Variants in C12orf42 observed in about 807,000 individuals in gnomAD.
C12orf42 encodes the protein uncharacterized protein C12orf42.
Under a neutral mutation model 21.6 loss-of-function variants are expected in C12orf42, and 25 were observed. The ratio of observed to expected loss-of-function variants is 1.16; its 90% CI spans 0.84 to 1.62. C12orf42 has a LOEUF of 1.62. Among genes scored for constraint, C12orf42 ranks in the 40% most tolerant of loss-of-function variants. C12orf42 has a pLI of 0.00. For synonymous variants in C12orf42, 174 were observed against 175.0 expected, an observed-to-expected ratio of 0.99 and a Z score of 0.05; for missense variants, 483 against 459.3, an observed-to-expected ratio of 1.05 and a Z score of -0.47.
chr12:103,510,694 A>G, the C12orf42 span, among the ~76,000 whole-genome samples: 1 of 152,218 alleles, frequency 6.6e-6, no homozygotes, highest in African/African-American at 2.4e-5. Context: ...GAATCACATT[A>G]TCACACTGGG....
downstream of C12orf42, among the ~76,000 whole-genome samples, chr12:103,264,626 A>T (rs1412577824): frequency 6.6e-6 from 1 of 152,162 alleles, no homozygotes; most frequent in African/African-American, 2.4e-5. Context: ...CCATTCAACA[A>T]ATAATAAGTT....
At chr12:103,257,396 A>G (rs2034666777) in intron 10 of C12orf42, among the ~76,000 whole-genome samples, 2 of 152,226 alleles carry the variant, frequency 1.3e-5, no homozygotes, top group Admixed American at 1.3e-4. Context: ...GGAGCTCAAT[A>G]TTATTTTCAG....
the C12orf42 span, among the ~76,000 whole-genome samples, chr12:103,209,661 T>C: frequency 0.096 from 14,538 of 152,152 alleles, 850 homozygotes; most frequent in East Asian, 0.2. Context: ...AAGGCAATCC[T>C]TGGGGAAACT....
At chr12:103,520,509 T>A in the C12orf42 span, among the ~76,000 whole-genome samples, 3 of 151,756 alleles carry the variant, frequency 2.0e-5, no homozygotes, top group East Asian at 5.8e-4. Flanking sequence ...GGCAACATAA[T>A]AAGACCTCTG....
At chr12:103,185,434 C>T in the C12orf42 span, among the ~76,000 whole-genome samples, 1 of 152,160 alleles carries the variant, frequency 6.6e-6, no homozygotes, top group Non-Finnish European at 1.5e-5. Context: ...TATGGGTAAG[C>T]ATCAACAATA....
the C12orf42 span, among the ~76,000 whole-genome samples, chr12:103,075,964 A>G: frequency 6.6e-6 from 1 of 152,144 alleles, no homozygotes; most frequent in East Asian, 1.9e-4. Context: ...AACAGAAGGA[A>G]AGTAATTGAG....
intron 10 of C12orf42, among the ~76,000 whole-genome samples, chr12:103,256,450 A>G (rs146761178): frequency 2.7e-4 from 41 of 151,744 alleles, no homozygotes; most frequent in African/African-American, 9.2e-4. Flanking sequence ...CAGGACCCAC[A>G]TGGTATTGGC....
intron 2 of C12orf42, among the ~76,000 whole-genome samples, chr12:103,464,790 C>A (rs1431070159): frequency 2.0e-5 from 3 of 152,144 alleles, no homozygotes; most frequent in Admixed American, 6.5e-5. Context: ...ATATCACTAG[C>A]CAGTTCTCCC....
intron 3 of C12orf42, among the ~76,000 whole-genome samples, chr12:103,385,364 C>A (rs542524944): frequency 6.6e-6 from 1 of 152,266 alleles, no homozygotes; most frequent in East Asian, 1.9e-4. Flanking sequence ...GAACTGAATA[C>A]CGTGTCAAAT....
chr12:103,372,039 TAA>T (rs2045291505), intron 3 of C12orf42, among the ~76,000 whole-genome samples: 1 of 152,088 alleles, frequency 6.6e-6, no homozygotes, highest in Non-Finnish European at 1.5e-5. Context: ...GCCAGCAATA[TAA>T]GTGTCCAAAA....
At chr12:103,195,616 C>T in the C12orf42 span, among the ~76,000 whole-genome samples, 3 of 152,104 alleles carry the variant, frequency 2.0e-5, no homozygotes, top group African/African-American at 7.2e-5. Flanking sequence ...CTGTTCATGT[C>T]ATTTGCCCAT....
At chr12:103,115,894 G>A in the C12orf42 span, among the ~76,000 whole-genome samples, 14 of 152,202 alleles carry the variant, frequency 9.2e-5, no homozygotes, top group Admixed American at 9.2e-4. Flanking sequence ...ACATGAGCAT[G>A]AGTTCAGTCA....
chr12:103,208,177 A>G, the C12orf42 span, among the ~76,000 whole-genome samples: 396 of 152,276 alleles, frequency 2.6e-3, 1 homozygote, highest in African/African-American at 9.3e-3. Flanking sequence ...TCTGGGTAAT[A>G]CCAATGGGAA....
intron 10 of C12orf42, among the ~76,000 whole-genome samples, chr12:103,247,791 T>C (rs559787088): frequency 1.3e-5 from 2 of 152,152 alleles, no homozygotes; most frequent in African/African-American, 4.8e-5. Flanking sequence ...AAAGCTTTTT[T>C]AAATGGTCAG....
intron 2 of C12orf42, among the ~76,000 whole-genome samples, chr12:103,410,032 T>C (rs556850612): frequency 4.6e-5 from 7 of 152,206 alleles, no homozygotes; most frequent in Non-Finnish European, 1.0e-4. Context: ...CATTCCTAAG[T>C]GACACCGTAA....
chr12:103,426,306 T>G (rs10861004), intron 2 of C12orf42, among the ~76,000 whole-genome samples: 29,137 of 152,090 alleles, frequency 0.19, 3,354 homozygotes, highest in East Asian at 0.35. Context: ...CGAGAACTTC[T>G]TGAAGCATAC....
intron 10 of C12orf42, among the ~76,000 whole-genome samples, chr12:103,249,619 C>G (rs772362364): frequency 3.3e-5 from 5 of 152,016 alleles, no homozygotes; most frequent in Non-Finnish European, 7.4e-5. Context: ...TTCCCTGGTT[C>G]AATTCAATCC....
the C12orf42 span, among the ~76,000 whole-genome samples, chr12:103,210,454 TC>T: frequency 6.6e-6 from 1 of 152,120 alleles, no homozygotes; most frequent in African/African-American, 2.4e-5. Context: ...CACTTGCCTC[TC>T]TCCTCACCTG....
At chr12:103,395,412 C>A (rs545111218) in intron 3 of C12orf42, among the ~76,000 whole-genome samples, 2 of 151,612 alleles carry the variant, frequency 1.3e-5, no homozygotes, top group East Asian at 3.9e-4. Flanking sequence ...CTCCGCTCAC[C>A]GCAAGCTCCG....
Sources: gnomAD v4.1 joint callset for allele counts (sites outside exome capture counted in the v4.1 genomes callset) on GRCh38, gnomAD v4.1.1 for gene constraint, MANE v1.5 for transcripts, NCBI Gene and HGNC (gene_info 2026-07-23, HGNC 2026-07-21) for gene names.